HACD2: variants seen among roughly 807,000 people sequenced by gnomAD.
HACD2 encodes the protein very-long-chain (3R)-3-hydroxyacyl-CoA dehydratase 2.
Under a neutral mutation model 31.0 loss-of-function variants are expected in HACD2, and 15 were observed. That is an observed-to-expected ratio of 0.48 (90% CI 0.32 to 0.75). The LOEUF (loss-of-function observed/expected upper bound fraction) is 0.75. Ranked by LOEUF, HACD2 falls within the 30% of genes least tolerant of loss-of-function variation. HACD2 has a pLI of 0.03. For synonymous variants in HACD2, 115 were observed against 122.2 expected (o/e 0.94, Z 0.39); for missense variants, 283 against 313.0 (o/e 0.90, Z 0.72).
At chr3:123,532,428 C>A (rs1428164616) in intron 3 of HACD2, among the ~76,000 whole-genome samples, 1 of 152,156 alleles carries the variant, frequency 6.6e-6, no homozygotes, top group Non-Finnish European at 1.5e-5. Flanking sequence ...AGAGCTCTAT[C>A]CCTGAATTTA....
At chr3:123,563,636 A>AAT (rs199584661) in intron 3 of HACD2, among the ~76,000 whole-genome samples, 29 of 90,870 alleles carry the variant, frequency 3.2e-4, no homozygotes, top group Admixed American at 4.8e-4. Context: ...TTGACAAAAA[A>AAT]ATATATATAC....
At chr3:123,517,206 T>G (rs984845964) in intron 4 of HACD2, among the ~76,000 whole-genome samples, 3 of 152,228 alleles carry the variant, frequency 2.0e-5, no homozygotes, top group African/African-American at 4.8e-5. Context: ...GTTTTTCTTG[T>G]TTTGCTTTTT....
At chr3:123,503,338 TG>T (rs1399979183) in intron 4 of HACD2, among the ~76,000 whole-genome samples, 8 of 151,722 alleles carry the variant, frequency 5.3e-5, no homozygotes, top group Non-Finnish European at 8.8e-5. Context: ...GGGGAGGGCT[TG>T]GGACCATCTG....
At chr3:123,495,068 A>G in intron 6 of HACD2, 98 bp from the exon 7 acceptor site, 1 of 724,156 alleles carries the variant, frequency 1.4e-6, no homozygotes, top group South Asian at 1.8e-5. Flanking sequence ...CCCTCTGACT[A>G]ATTTCTCATC....
At chr3:123,533,574 T>C (rs892496139) in intron 3 of HACD2, among the ~76,000 whole-genome samples, 1 of 152,250 alleles carries the variant, frequency 6.6e-6, no homozygotes, top group Non-Finnish European at 1.5e-5. Context: ...TATTGTTGGC[T>C]ACTTAAATTG....
At chr3:123,525,146 A>G (rs1246561975) in intron 4 of HACD2, among the ~76,000 whole-genome samples, 1 of 152,220 alleles carries the variant, frequency 6.6e-6, no homozygotes, top group Non-Finnish European at 1.5e-5. Flanking sequence ...AAAGCCCAGC[A>G]GCAAGCCAGA....
chr3:123,539,939 A>AAAAAAAC, intron 3 of HACD2, among the ~76,000 whole-genome samples: 1 of 149,354 alleles, frequency 6.7e-6, no homozygotes, highest in Non-Finnish European at 1.5e-5. Flanking sequence ...AAAAAAAAAA[A>AAAAAAAC]AGACAGGCAT....
intron 3 of HACD2, among the ~76,000 whole-genome samples, chr3:123,559,356 A>T (rs1025907725): frequency 6.6e-6 from 1 of 152,252 alleles, no homozygotes; most frequent in African/African-American, 2.4e-5. Flanking sequence ...GGAAAAAGGT[A>T]GTAGAACTAC....
At chr3:123,546,995 A>C (rs1241075137) in intron 3 of HACD2, among the ~76,000 whole-genome samples, 2 of 152,204 alleles carry the variant, frequency 1.3e-5, no homozygotes, top group Non-Finnish European at 2.9e-5. Context: ...TATTATGTCC[A>C]AAAATTTTAA....
At chr3:123,530,936 C>T (rs1238873061) in intron 3 of HACD2, among the ~76,000 whole-genome samples, 2 of 151,778 alleles carry the variant, frequency 1.3e-5, no homozygotes, top group East Asian at 2.0e-4. Context: ...GGCGCAATTT[C>T]GGCTCACTGC....
chr3:123,579,082 CA>C (rs965945587), intron 2 of HACD2, among the ~76,000 whole-genome samples: 5 of 152,154 alleles, frequency 3.3e-5, no homozygotes, highest in Admixed American at 3.3e-4. Context: ...CAGGATTTGT[CA>C]CTTAATTGGT....
At chr3:123,511,436 A>T (rs903689787) in intron 4 of HACD2, among the ~76,000 whole-genome samples, 3 of 152,210 alleles carry the variant, frequency 2.0e-5, no homozygotes, top group Non-Finnish European at 2.9e-5. Context: ...ACCCTATACA[A>T]GAAGAGCCTA....
At chr3:123,573,499 G>C (rs754085973) in intron 2 of HACD2, among the ~76,000 whole-genome samples, 57 of 152,280 alleles carry the variant, frequency 3.7e-4, no homozygotes, top group Admixed American at 1.4e-3. Context: ...AGGTTTCATA[G>C]AGAACCTCAA....
At chr3:123,557,165 G>A (rs569238608) in intron 3 of HACD2, among the ~76,000 whole-genome samples, 1 of 152,372 alleles carries the variant, frequency 6.6e-6, no homozygotes, top group East Asian at 1.9e-4. Context: ...TCCACCTCCT[G>A]TCAGATCAGC....
intron 2 of HACD2, among the ~76,000 whole-genome samples, chr3:123,570,755 T>C (rs1054541681): frequency 6.6e-5 from 10 of 152,182 alleles, no homozygotes; most frequent in Admixed American, 6.6e-4. Flanking sequence ...AAACGTATTC[T>C]TTAAATGGTG....
At chr3:123,495,574 C>T (rs1250340823) in intron 6 of HACD2, among the ~76,000 whole-genome samples, 1 of 135,218 alleles carries the variant, frequency 7.4e-6, no homozygotes, top group African/African-American at 2.7e-5. Flanking sequence ...GCTTTGAACA[C>T]AACTAAGCCA....
chr3:123,533,771 A>G (rs1476205491), intron 3 of HACD2, among the ~76,000 whole-genome samples: 3 of 152,116 alleles, frequency 2.0e-5, no homozygotes, highest in African/African-American at 4.8e-5. Flanking sequence ...GTGAGCTCAC[A>G]CTCCCAGGCT....
chr3:123,564,819 G>T (rs1335993494), intron 3 of HACD2, among the ~76,000 whole-genome samples: 1 of 152,186 alleles, frequency 6.6e-6, no homozygotes, highest in Non-Finnish European at 1.5e-5. Context: ...GGGTGATGAG[G>T]CAGGAGCAAG....
chr3:123,496,050 A>C (rs1280855659), intron 6 of HACD2, among the ~76,000 whole-genome samples: 1 of 152,148 alleles, frequency 6.6e-6, no homozygotes, highest in Non-Finnish European at 1.5e-5. Flanking sequence ...TTTTTTAGAC[A>C]GAGTCTTACT....
Sources: allele counts gnomAD v4.1 joint callset (sites outside exome capture counted in the v4.1 genomes callset), GRCh38; gene constraint gnomAD v4.1.1; transcripts MANE v1.5; gene names NCBI Gene and HGNC (gene_info 2026-07-23, HGNC 2026-07-21).